The following DNAH6 variants were observed in gnomAD, a reference collection of about 807,000 sequenced individuals.
The protein encoded by DNAH6 is axonemal beta dynein heavy chain 6.
DNAH6 carries 340 observed loss-of-function variants against 491.4 expected under a neutral mutation model. That is an observed-to-expected ratio of 0.69 (90% CI 0.63 to 0.76). DNAH6 has a LOEUF of 0.76. Ranked by LOEUF, DNAH6 falls within the 30% of genes least tolerant of loss-of-function variation. The probability of loss-of-function intolerance (pLI) is 0.00; values close to 1 mark genes in which losing one functional copy is unlikely to be tolerated. For synonymous variants in DNAH6, 1,603 were observed against 1,686.1 expected, an observed-to-expected ratio of 0.95 and a Z score of 1.21; for missense variants, 4,443 against 4,972.2, an observed-to-expected ratio of 0.89 and a Z score of 3.20.
chr2:84,520,639 T>C (rs971709932), intron 2 of DNAH6, among the ~76,000 whole-genome samples: 1 of 152,090 alleles, frequency 6.6e-6, no homozygotes, highest in Non-Finnish European at 1.5e-5. Flanking sequence ...TGTGTTGTCA[T>C]CATTTGGTTT....
intron 3 of DNAH6, among the ~76,000 whole-genome samples, chr2:84,526,177 GGAA>G (rs1188208671): frequency 1.1e-4 from 16 of 151,928 alleles, no homozygotes; most frequent in Admixed American, 1.0e-3. Context: ...GGTAGCTCAG[GGAA>G]GAAATCACCA....
intron 11 of DNAH6, among the ~76,000 whole-genome samples, chr2:84,565,584 T>C (rs931973409): frequency 6.6e-6 from 1 of 151,970 alleles, no homozygotes; most frequent in African/African-American, 2.4e-5. Flanking sequence ...TTTTTCTTTT[T>C]ATTTGTTAAT....
chr2:84,524,234 G>A (rs1676405978), intron 2 of DNAH6, among the ~76,000 whole-genome samples: 3 of 150,568 alleles, frequency 2.0e-5, no homozygotes, highest in Admixed American at 2.0e-4. Context: ...ATTTTTGCTG[G>A]TTTAAAGTCT....
the DNAH6 span, among the ~76,000 whole-genome samples, chr2:84,488,812 T>C: frequency 6.6e-6 from 1 of 152,188 alleles, no homozygotes; most frequent in Non-Finnish European, 1.5e-5. Context: ...TTAGGAGCTA[T>C]TATTCTGTCT....
At chr2:84,611,231 A>T (rs77982787) in intron 21 of DNAH6, among the ~76,000 whole-genome samples, 5,003 of 143,038 alleles carry the variant, frequency 0.035, 99 homozygotes, top group Middle Eastern at 0.066. Context: ...AGGGTTTTTT[A>T]AAAAAATTTT....
At chr2:84,717,322 G>A (rs945032970) in intron 58 of DNAH6, among the ~76,000 whole-genome samples, 2 of 152,156 alleles carry the variant, frequency 1.3e-5, no homozygotes, top group African/African-American at 4.8e-5. Context: ...AATTGAATTT[G>A]AGGTTATGAT....
chr2:84,616,766 T>C, intron 22 of DNAH6, 120 bp from the exon 23 acceptor site: 1 of 491,724 alleles, frequency 2.0e-6, no homozygotes, highest in Non-Finnish European at 3.5e-6. Flanking sequence ...ATAAGAGTTT[T>C]ATTAAATAGT....
At position 84,787,279 on chromosome 2, in the gene DNAH6, G is replaced by C. The variant is rs770369828; in HGVS notation, c.11216G>C (p.Trp3739Ser). Residue 3739 changes from tryptophan to serine, a missense_variant, in exon 68 of 77, where the codon TGG (tryptophan) becomes TCG (serine). Transcript: ENST00000389394. Reference sequence around the variant, plus strand: ...TATTGTAAAGAAGGAAAGATTCCCTGGGATGCACTAATTTACATTACTGGT... The same window carrying C: ...TATTGTAAAGAAGGAAAGATTCCCTCGGATGCACTAATTTACATTACTGGT... Reference protein sequence around the residue: ...KLYCKEGKIPWDALIYITGEI... With the variant: ...KLYCKEGKIPSDALIYITGEI... 1 of 1,548,566 alleles carries C rather than the reference G, an allele frequency of 6.5e-7. No individual in the cohort carries two copies.
intron 70 of DNAH6, among the ~76,000 whole-genome samples, chr2:84,800,624 A>C (rs1195275913): frequency 6.6e-6 from 1 of 152,152 alleles, no homozygotes; most frequent in African/African-American, 2.4e-5. Context: ...GGAAGTCTTA[A>C]CAACAGATTA....
chr2:84,769,313 G>A lies in DNAH6; in HGVS notation c.10703+6368G>A, dbSNP rs112161180. The stretch of plus-strand genomic sequence containing the variant: ...GTGTTCTTTCAGCTATCTGCCATCC[G>A]TCCACCCACTCCCCTCAGACCTCAG... On this transcript the variant is annotated intron_variant, in intron 64 of 76. Transcript: ENST00000389394. Among the ~76,000 whole-genome samples the A allele has an allele frequency of 4.4e-3, 665 of 152,302 alleles. 3 individuals are homozygous for A. The highest frequency in any genetic ancestry group is 0.015 in the African/African-American group (616 of 41,572).
chr2:84,509,503 A>G, the DNAH6 span, among the ~76,000 whole-genome samples: 1 of 152,202 alleles, frequency 6.6e-6, no homozygotes, highest in Non-Finnish European at 1.5e-5. Context: ...AATACAGCAC[A>G]CTGATGGGTC....
At chr2:84,473,114 T>C in the DNAH6 span, among the ~76,000 whole-genome samples, 1 of 152,132 alleles carries the variant, frequency 6.6e-6, no homozygotes, top group Non-Finnish European at 1.5e-5. Context: ...TAGGGGCTTT[T>C]TGAGTAATAG....
rs1274763784 is a variant in DNAH6, at chr2:84,694,279, C to A, written c.7323C>A (p.Gly2441=). Residue 2441 remains glycine, a synonymous_variant, in exon 46 of 77, where the codon GGC becomes GGA. Coordinates refer to ENST00000389394, the MANE Select transcript of DNAH6 (RefSeq NM_001370.2). ...CTCGGATGATACGTCAAGAAAGAGGCAATGCCCTGCTTGTTGGAGTAGGAG... is the reference window on the plus strand; with the variant it reads ...CTCGGATGATACGTCAAGAAAGAGGAAATGCCCTGCTTGTTGGAGTAGGAG... ...RIARMIRQER[G]NALLVGVGGT... is the part of the protein sequence containing the mutation. 3 of 1,552,102 alleles carry A rather than the reference C, an allele frequency of 1.9e-6. No homozygotes were observed. The East Asian group carries it at 7.3e-5, about 38-fold the overall frequency.
intron 29 of DNAH6, among the ~76,000 whole-genome samples, chr2:84,629,538 A>G (rs1688194757): frequency 6.6e-6 from 1 of 152,186 alleles, no homozygotes; most frequent in Admixed American, 6.5e-5. Context: ...CTCATCTGTG[A>G]AATACCTATT....
In DNAH6 at chr2:84,709,546, G is replaced by C; in HGVS notation, c.9252G>C (p.Gln3084His). 2 of 1,551,548 alleles carry C rather than the reference G, an allele frequency of 1.3e-6. No individual in the cohort carries two copies. The highest frequency in any genetic ancestry group is 1.7e-6 in the Non-Finnish European group (2 of 1,146,998). The part of the protein sequence containing the change: ...RWPLMIDPQD[Q>H]ANRWIRNKES... ...CTTTGATGATTGATCCCCAAGATCAGGTGTGTAGCAAATGCTTAAGAGAGT... is the reference window on the plus strand; with the variant it reads ...CTTTGATGATTGATCCCCAAGATCACGTGTGTAGCAAATGCTTAAGAGAGT... The change falls in exon 55 of 77, where the codon CAG (glutamine) becomes CAC (histidine). Residue 3084 changes from glutamine to histidine, a missense_variant and splice_region_variant. Gln to His is a conservative substitution (Grantham distance 24). Coordinates refer to ENST00000389394, the MANE Select transcript of DNAH6 (RefSeq NM_001370.2).
At chr2:84,815,376 G>GAA (rs568105223) in intron 75 of DNAH6, among the ~76,000 whole-genome samples, 11 of 126,330 alleles carry the variant, frequency 8.7e-5, no homozygotes, top group African/African-American at 8.9e-5. Context: ...CCCACAATTG[G>GAA]AAAAAAAAAA....
At chr2:84,779,384 C>T (rs1676458992) in intron 64 of DNAH6, among the ~76,000 whole-genome samples, 1 of 152,150 alleles carries the variant, frequency 6.6e-6, no homozygotes, top group African/African-American at 2.4e-5. Flanking sequence ...AACCCATTAC[C>T]GTTATGTAAT....
intron 56 of DNAH6, among the ~76,000 whole-genome samples, chr2:84,711,873 T>A (rs1206901794): frequency 6.6e-6 from 1 of 152,242 alleles, no homozygotes; most frequent in Non-Finnish European, 1.5e-5. Flanking sequence ...AGCTCCAAAC[T>A]GGACTCCTGA....
chr2:84,589,119 C>A (rs1683848928), intron 16 of DNAH6, among the ~76,000 whole-genome samples, 165 bp downstream of exon 16: 1 of 152,162 alleles, frequency 6.6e-6, no homozygotes, highest in Non-Finnish European at 1.5e-5. Flanking sequence ...ATGTTCCTTG[C>A]CTTCGAAGTG....
Sources: gnomAD v4.1 joint callset for allele counts (sites outside exome capture counted in the v4.1 genomes callset) on GRCh38, gnomAD v4.1.1 for gene constraint, MANE v1.5 for transcripts, NCBI Gene and HGNC (gene_info 2026-07-23, HGNC 2026-07-21) for gene names.